Variants in HUNK observed in about 807,000 individuals in gnomAD.
The protein encoded by HUNK is hormonally up-regulated neu tumor-associated kinase.
HUNK carries 21 observed loss-of-function variants against 61.0 expected under a neutral mutation model. The ratio of observed to expected loss-of-function variants is 0.34; its 90% CI spans 0.24 to 0.50. The LOEUF is 0.50. Among genes scored for constraint, HUNK ranks in the 20% least tolerant of loss-of-function variants. The pLI is 0.98. For synonymous variants in HUNK, 371 were observed against 386.1 expected (o/e 0.96, Z 0.46); for missense variants, 772 against 945.7 (o/e 0.82, Z 2.41).
At chr21:31,893,040 C>T (rs1390134077) in intron 1 of HUNK, among the ~76,000 whole-genome samples, 1 of 152,296 alleles carries the variant, frequency 6.6e-6, no homozygotes, top group East Asian at 1.9e-4. Flanking sequence ...CTTCCCTCCA[C>T]CCGTCTACTT....
intron 1 of HUNK, among the ~76,000 whole-genome samples, chr21:31,904,205 C>A (rs1481768495): frequency 6.6e-6 from 1 of 151,994 alleles, no homozygotes; most frequent in African/African-American, 2.4e-5. Context: ...GAGATTTTGA[C>A]ATGTATTTTG....
chr21:31,971,760 AT>A (rs1207606399), intron 6 of HUNK, among the ~76,000 whole-genome samples: 2 of 152,118 alleles, frequency 1.3e-5, no homozygotes, highest in Admixed American at 1.3e-4. Context: ...TTTTTTATAA[AT>A]AAATGTTTAT....
At chr21:31,886,899 C>G (rs1414858223) in intron 1 of HUNK, among the ~76,000 whole-genome samples, 1 of 152,156 alleles carries the variant, frequency 6.6e-6, no homozygotes, top group Admixed American at 6.5e-5. Flanking sequence ...CCTTGGCCTC[C>G]CAAAGTGCTG....
At chr21:31,914,134 G>A (rs2052565450) in intron 1 of HUNK, among the ~76,000 whole-genome samples, 1 of 151,924 alleles carries the variant, frequency 6.6e-6, no homozygotes, top group South Asian at 2.1e-4. Flanking sequence ...TAGGCCGGGC[G>A]CAGTGGCTCA....
At chr21:31,979,778 G>A (rs531842622) in intron 7 of HUNK, among the ~76,000 whole-genome samples, 1 of 152,184 alleles carries the variant, frequency 6.6e-6, no homozygotes, top group South Asian at 2.1e-4. Context: ...GCCTCCCAAA[G>A]TGCTGGGATT....
At position 31,922,552 on chromosome 21, in the gene HUNK, C is replaced by A. The variant is rs2052629980; in HGVS notation, c.262-1916C>A. On this transcript the variant is annotated intron_variant, in intron 1 of 10. Coordinates refer to ENST00000270112, the MANE Select transcript of HUNK (RefSeq NM_014586.2). Reference sequence around the variant, plus strand: ...ATGTTGGCCGGGCTGGTCTTGAACTCCTGACCTCAAGTAATTCACCCTCCT... The same window carrying A: ...ATGTTGGCCGGGCTGGTCTTGAACTACTGACCTCAAGTAATTCACCCTCCT... Among the ~76,000 whole-genome samples, 7 of 152,066 alleles carry A rather than the reference C, an allele frequency of 4.6e-5. No individual in the cohort carries two copies. The South Asian group carries it at 1.4e-3, about 31-fold the overall frequency.
intron 5 of HUNK, among the ~76,000 whole-genome samples, chr21:31,965,092 G>T (rs199963433): frequency 1.3e-5 from 2 of 152,152 alleles, no homozygotes; most frequent in Non-Finnish European, 2.9e-5. Flanking sequence ...GTTGTTAAAG[G>T]AAGGGAGATA....
At chr21:31,930,580 C>T (rs753350450) in intron 2 of HUNK, among the ~76,000 whole-genome samples, 9 of 152,242 alleles carry the variant, frequency 5.9e-5, no homozygotes, top group South Asian at 2.1e-4. Context: ...TTTCTGAGCA[C>T]GTATCCCATG....
At chr21:31,907,528 G>A (rs1367615810) in intron 1 of HUNK, among the ~76,000 whole-genome samples, 3 of 152,140 alleles carry the variant, frequency 2.0e-5, no homozygotes, top group Admixed American at 6.5e-5. Flanking sequence ...CAGAGGTACC[G>A]GTTGTTCCCT....
At chr21:31,884,055 T>G (rs1240414470) in intron 1 of HUNK, among the ~76,000 whole-genome samples, 1 of 152,146 alleles carries the variant, frequency 6.6e-6, no homozygotes, top group Non-Finnish European at 1.5e-5. Context: ...CTCTTGCTGG[T>G]TTAAGTAAGA....
At chr21:31,875,626 G>A (rs1302250239) in intron 1 of HUNK, among the ~76,000 whole-genome samples, 1 of 152,176 alleles carries the variant, frequency 6.6e-6, no homozygotes, top group Non-Finnish European at 1.5e-5. Flanking sequence ...CGTTCAGGGC[G>A]CGAGGATGCG....
rs1476398435 is a variant in HUNK at position 32,002,003 on chromosome 21, TAC to T, written c.*2820_*2821del. The T allele has an allele frequency of 6.5e-6, 1 of 152,678 alleles. No homozygotes were observed. Among genetic ancestry groups the T allele is most frequent in the Non-Finnish European group, 1.5e-5 (1 of 68,046 alleles). The allele number at this position is 152,678 out of a possible 1,614,324, so 9.5% of individuals were successfully genotyped here. A position where few individuals can be genotyped will look rare whatever the true frequency, so the allele number is the denominator to read the frequency against. ...ACTGTGAAATACACTTTTCCCTCAC[TAC>T]GACTGCTTCTTTATTTGCTGATAAA... On this transcript the variant is annotated 3_prime_UTR_variant, in exon 11 of 11. Coordinates refer to ENST00000270112, the MANE Select transcript of HUNK (RefSeq NM_014586.2).
At chr21:31,990,630 G>T (rs1167885638) in intron 9 of HUNK, among the ~76,000 whole-genome samples, 1 of 151,860 alleles carries the variant, frequency 6.6e-6, no homozygotes, top group Non-Finnish European at 1.5e-5. Context: ...CCACCTGCCA[G>T]GTTCAAGCAA....
chr21:31,914,262 C>G (rs59136147), intron 1 of HUNK, among the ~76,000 whole-genome samples: 3,815 of 152,008 alleles, frequency 0.025, 180 homozygotes, highest in African/African-American at 0.087. Flanking sequence ...ACAAAATTAG[C>G]CGGGCATGGT....
chr21:31,949,840 G>C (rs1440260570), intron 4 of HUNK, among the ~76,000 whole-genome samples: 1 of 152,180 alleles, frequency 6.6e-6, no homozygotes, highest in East Asian at 1.9e-4. Flanking sequence ...GAGATCACAT[G>C]GTGGGAGAGG....
At chr21:31,935,538 A>C (rs917818803) in intron 2 of HUNK, among the ~76,000 whole-genome samples, 1 of 151,516 alleles carries the variant, frequency 6.6e-6, no homozygotes, top group Non-Finnish European at 1.5e-5. Flanking sequence ...ACACCCTAAA[A>C]CCCCTCTATA....
At chr21:31,910,689 A>G (rs2052539963) in intron 1 of HUNK, among the ~76,000 whole-genome samples, 1 of 152,020 alleles carries the variant, frequency 6.6e-6, no homozygotes, top group African/African-American at 2.4e-5. Context: ...GGGTTTTGCC[A>G]TGTTAGCCAG....
chr21:31,925,244 A>G (rs932923314), intron 2 of HUNK, among the ~76,000 whole-genome samples: 2 of 152,230 alleles, frequency 1.3e-5, no homozygotes, highest in African/African-American at 4.8e-5. Context: ...TGTAACAGTT[A>G]TGTGACCCTG....
chr21:31,982,759 T>C (rs1278603071), intron 7 of HUNK, among the ~76,000 whole-genome samples: 2 of 148,598 alleles, frequency 1.3e-5, no homozygotes, highest in Admixed American at 6.6e-5. Context: ...AGTGTGTACA[T>C]GTGTGTTTGT....
Sources: gnomAD v4.1 joint callset for allele counts (sites outside exome capture counted in the v4.1 genomes callset) on GRCh38, gnomAD v4.1.1 for gene constraint, MANE v1.5 for transcripts, NCBI Gene and HGNC (gene_info 2026-07-23, HGNC 2026-07-21) for gene names.